PPA2: variants seen among roughly 807,000 people sequenced by gnomAD.
The protein encoded by PPA2 is inorganic pyrophosphatase 2, mitochondrial.
A neutral mutation model predicts 49.5 loss-of-function variants in PPA2; 48 were observed. The observed-to-expected ratio is 0.97, with a 90% CI of 0.77 to 1.23. The LOEUF is 1.23. PPA2 is among the 50% of genes most tolerant of loss of function. The pLI is 0.00. For missense variants in PPA2, 429 were observed against 410.1 expected (o/e 1.05, Z -0.40); for synonymous variants, 131 against 139.9 (o/e 0.94, Z 0.45).
intron 7 of PPA2, among the ~76,000 whole-genome samples, chr4:105,413,491 T>C (rs1722857493): frequency 6.6e-6 from 1 of 152,020 alleles, no homozygotes; most frequent in South Asian, 2.1e-4. Flanking sequence ...AATAAAGGCA[T>C]AAGAAACATC....
intron 7 of PPA2, among the ~76,000 whole-genome samples, chr4:105,418,635 G>A (rs1031099003): frequency 3.9e-5 from 6 of 152,050 alleles, no homozygotes; most frequent in African/African-American, 9.7e-5. Context: ...TTCTGATTTC[G>A]ATTGTTTTAA....
In PPA2 at chr4:105,474,025, C is replaced by T. The variant is rs757918569; in HGVS notation, c.26G>A (p.Arg9His). The change falls in exon 1 of 12, where the codon CGC becomes CAC. Residue 9 changes from arginine to histidine, a missense_variant. Coordinates refer to ENST00000341695, the MANE Select transcript of PPA2 (RefSeq NM_176869.3). ...GCACGCAGCGGCTGGGGCACCCGTG[C>T]GCAGCAGCCGCAGCAGCGCGCTCAT... MSALLRLL[R>H]TGAPAAACLR... 6.3e-7 allele frequency: 1 copy of T among 1,591,098 alleles called. No individual in the cohort carries two copies. The highest frequency in any genetic ancestry group is 8.6e-7 in the Non-Finnish European group (1 of 1,168,828).
At chr4:105,446,247 G>A (rs1367751411) in intron 5 of PPA2, 136 bp downstream of exon 5, 13 of 911,240 alleles carry the variant, frequency 1.4e-5, no homozygotes, top group South Asian at 1.2e-4. Flanking sequence ...CTCCATCCAC[G>A]TTAATAAATT....
At chr4:105,396,182 GATT>G (rs1342134236) in intron 9 of PPA2, 64 bp downstream of exon 9, 5 of 1,009,392 alleles carry the variant, frequency 5.0e-6, no homozygotes, top group Non-Finnish European at 4.3e-6. Context: ...TCTGAAATCT[GATT>G]ATTATGTGGC....
rs548710161 is a variant in PPA2, at chr4:105,429,902, A to T, written c.529-5580T>A. On this transcript the variant is annotated intron_variant, in intron 6 of 11. Coordinates refer to ENST00000341695, the MANE Select transcript of PPA2 (RefSeq NM_176869.3). ...AAACAGGTTTCATAAAATATTTCAA[A>T]AATATTTTAAGAGAAACCCAGAAAT... is the stretch of plus-strand genomic sequence containing the variant. Among the ~76,000 whole-genome samples the T allele has an allele frequency of 3.3e-5, 5 of 152,350 alleles. No individual in the cohort carries two copies. The South Asian group carries it at 1.0e-3, about 32-fold the overall frequency.
At chr4:105,439,009 T>C (rs562611147) in intron 5 of PPA2, among the ~76,000 whole-genome samples, 1 of 151,812 alleles carries the variant, frequency 6.6e-6, no homozygotes, top group Admixed American at 6.6e-5. Flanking sequence ...TAACTTTATC[T>C]TAAAAAAAAA....
At chr4:105,471,331 GTC>G (rs900354245) in intron 1 of PPA2, among the ~76,000 whole-genome samples, 1 of 152,110 alleles carries the variant, frequency 6.6e-6, no homozygotes, top group African/African-American at 2.4e-5. Context: ...TAATCATCCT[GTC>G]TCACTCTTTC....
intron 9 of PPA2, among the ~76,000 whole-genome samples, chr4:105,392,197 A>C (rs1434680671): frequency 6.6e-6 from 1 of 152,066 alleles, no homozygotes; most frequent in Non-Finnish European, 1.5e-5. Context: ...CTAGAAATTA[A>C]ATTCTCTCTG....
At chr4:105,382,828 C>A (rs7678439) in intron 10 of PPA2, among the ~76,000 whole-genome samples, 6 of 151,748 alleles carry the variant, frequency 4.0e-5, no homozygotes, top group Admixed American at 1.3e-4. Context: ...GCAAAACTCC[C>A]ACTCTACCAA....
chr4:105,425,060 G>T (rs1723432298), intron 6 of PPA2, among the ~76,000 whole-genome samples: 1 of 152,134 alleles, frequency 6.6e-6, no homozygotes, highest in Non-Finnish European at 1.5e-5. Flanking sequence ...GGTTACTCTA[G>T]ACCTGTCCTA....
At chr4:105,453,724 T>A in intron 2 of PPA2, 82 bp from the exon 3 acceptor site, 1 of 1,077,028 alleles carries the variant, frequency 9.3e-7, no homozygotes, top group Non-Finnish European at 1.4e-6. Context: ...AATATGACTA[T>A]TGTATAGACA....
At chr4:105,414,337 A>G (rs6821724) in intron 7 of PPA2, among the ~76,000 whole-genome samples, 2,200 of 152,154 alleles carry the variant, frequency 0.014, 50 homozygotes, top group African/African-American at 0.05. Context: ...CCAGCTGGAA[A>G]CCTCTGTGGC....
chr4:105,465,768 G>A (rs1204848909), intron 1 of PPA2, among the ~76,000 whole-genome samples: 1 of 152,122 alleles, frequency 6.6e-6, no homozygotes, highest in Non-Finnish European at 1.5e-5. Flanking sequence ...AGACATGTGG[G>A]ATCCTCTCAA....
At position 105,381,319 on chromosome 4, in the gene PPA2, A is replaced by G. The variant is rs557131091; in HGVS notation, c.939+5248T>C. On this transcript the variant is annotated intron_variant, in intron 10 of 11. Transcript: ENST00000341695. ...ACATGAAAATATCTCCTTCCAATCA[A>G]TGGCTTATCTTGTAACTTATTTTAA... 2.0e-5 allele frequency among the ~76,000 whole-genome samples: 3 copies of G among 152,062 alleles called. No individual in the cohort carries two copies. The East Asian group carries it at 5.8e-4, about 29-fold the overall frequency.
chr4:105,471,939 AT>A (rs1340222264), intron 1 of PPA2, among the ~76,000 whole-genome samples: 1 of 152,188 alleles, frequency 6.6e-6, no homozygotes, highest in Non-Finnish European at 1.5e-5. Context: ...TGAAAAACGT[AT>A]TTTATTTGTG....
chr4:105,392,670 T>C (rs2636702), intron 9 of PPA2, among the ~76,000 whole-genome samples: 89,759 of 149,334 alleles, frequency 0.6, 27,041 homozygotes, highest in East Asian at 0.68. Flanking sequence ...GAGACTCTGT[T>C]TCAAAAAAAA....
At chr4:105,443,318 G>A (rs1389724233) in intron 5 of PPA2, among the ~76,000 whole-genome samples, 1 of 151,898 alleles carries the variant, frequency 6.6e-6, no homozygotes, top group East Asian at 1.9e-4. Flanking sequence ...GAGCACCAGA[G>A]TGCCAGTGTG....
intron 1 of PPA2, among the ~76,000 whole-genome samples, chr4:105,463,595 C>T (rs1026646773): frequency 1.3e-5 from 2 of 152,240 alleles, no homozygotes; most frequent in African/African-American, 2.4e-5. Context: ...GAGGCCTTCA[C>T]GGCAGCCCTT....
chr4:105,401,642 A>T (rs1349392783), intron 7 of PPA2, among the ~76,000 whole-genome samples: 2 of 152,196 alleles, frequency 1.3e-5, no homozygotes, highest in Non-Finnish European at 2.9e-5. Flanking sequence ...CCACTTGTGG[A>T]ATTAATTTTA....
Sources: gnomAD v4.1 joint callset for allele counts (sites outside exome capture counted in the v4.1 genomes callset) on GRCh38, gnomAD v4.1.1 for gene constraint, MANE v1.5 for transcripts, NCBI Gene and HGNC (gene_info 2026-07-23, HGNC 2026-07-21) for gene names.